CD4: variants seen among roughly 807,000 people sequenced by gnomAD.
CD4 encodes the protein CD4 molecule.
A neutral mutation model predicts 50.5 loss-of-function variants in CD4; 25 were observed. The ratio of observed to expected loss-of-function variants is 0.49; its 90% confidence interval spans 0.36 to 0.69. CD4 has a LOEUF of 0.69. Ranked by LOEUF, CD4 falls within the 30% of genes least tolerant of loss-of-function variation. The probability of loss-of-function intolerance (pLI) is 0.00; values close to 1 mark genes in which losing one functional copy is unlikely to be tolerated. For missense variants in CD4, 456 were observed against 548.5 expected (o/e 0.83, Z 1.68); for synonymous variants, 207 against 221.9 (o/e 0.93, Z 0.60).
In CD4 at chr12:6,807,887, C is replaced by A. The variant is rs781860663; in HGVS notation, c.215-6255C>A. On this transcript the variant is annotated intron_variant, in intron 3 of 9. Coordinates refer to ENST00000011653, the MANE Select transcript of CD4 (RefSeq NM_000616.5). ...CTTGAGTCCAGGAGTTCGAGACCAG[C>A]CTGGCCAACATGGCAAAACCGGTCT... Among the ~76,000 whole-genome samples the A allele has an allele frequency of 2.2e-3, 340 of 151,866 alleles. 2 individuals carry two copies. Among genetic ancestry groups the A allele is most frequent in the African/African-American group, 7.4e-3 (308 of 41,406 alleles).
In CD4 at chr12:6,793,681, TA is replaced by T. The variant is rs1283615828; in HGVS notation, c.-68+4020del. Among the ~76,000 whole-genome samples the T allele has an allele frequency of 4.9e-3, 484 of 98,636 alleles. 1 individual carries two copies. The highest frequency in any genetic ancestry group is 7.6e-3 in the Admixed American group (79 of 10,328). 64.7% of individuals were successfully genotyped at this position (98,636 alleles called of 152,430 possible). On this transcript the variant is annotated intron_variant, in intron 1 of 9. Transcript: ENST00000011653. The stretch of plus-strand genomic sequence containing the variant: ...CTATCTATCTATCTATCTATCTATC[TA>T]TCTATCTATCTATCTATCTATCTTT...
rs377612428 is a variant in CD4, at chr12:6,797,968, G to T, written c.-67-2104G>T. Among the ~76,000 whole-genome samples the T allele has an allele frequency of 5.3e-5, 8 of 152,114 alleles. No individual in the cohort carries two copies. In the East Asian group the frequency reaches 1.4e-3, roughly 26 times the overall value. On this transcript the variant is annotated intron_variant, in intron 1 of 9. Coordinates refer to ENST00000011653, the MANE Select transcript of CD4 (RefSeq NM_000616.5). ...ATCCTCCTCAGCACAGACCCTTTAC[G>T]GGTGTCGGGCTGGGGGGCTGTAAGG...
Position 6,798,450 on chromosome 12 carries a change from G to A in CD4, c.-67-1622G>A, listed in dbSNP as rs1205063065. Among the ~76,000 whole-genome samples the A allele has an allele frequency of 6.0e-5, 9 of 149,556 alleles. 1 individual carries two copies. Among genetic ancestry groups the A allele is most frequent in the African/African-American group, 2.2e-4 (9 of 40,570 alleles). ...GCCTCCCAAAATGCTGGGATTACAC[G>A]TGTGAGGCAAGAACTTTTTAAAAGT... On this transcript the variant is annotated intron_variant, in intron 1 of 9. Transcript: ENST00000011653.
chr12:6,808,450 CAAAAAAAAAAAAAAAA>C (rs3032789), intron 3 of CD4, among the ~76,000 whole-genome samples: 4 of 37,800 alleles, frequency 1.1e-4, no homozygotes, highest in Non-Finnish European at 3.7e-4. Flanking sequence ...GATTCTGTCT[CAAAAAAAAAAAAAAAA>C]AAAAAAAAAA....
chr12:6,818,293 G>A lies in CD4; in HGVS notation c.1157-128G>A. On this transcript the variant is annotated intron_variant, in intron 7 of 9. Coordinates refer to ENST00000011653, the MANE Select transcript of CD4 (RefSeq NM_000616.5). This position sits in a 1 kb window ranked among gnomAD's most constrained non-coding sequence, Gnocchi z 5.0. ...ACTGGCGGCCTTTGAGAGCCCCCAG[G>A]CACCCCTCCCCTCTCCCCCAACCCC... is the stretch of plus-strand genomic sequence containing the variant. 8.2e-7 allele frequency: 1 copy of A among 1,216,338 alleles called. No individual in the cohort carries two copies. The highest frequency in any genetic ancestry group is 1.4e-5 in the South Asian group (1 of 71,414). The allele number at this position is 1,216,338 out of a possible 1,614,324, so 75.3% of individuals were successfully genotyped here.
At chr12:6,817,370 C>A (rs200352608) in intron 7 of CD4, 40 bp downstream of exon 7, 1 of 1,517,348 alleles carries the variant, frequency 6.6e-7, no homozygotes, top group Non-Finnish European at 8.9e-7. Flanking sequence ...TCCTGGGCTG[C>A]GGGACCTTCC....
intron 1 of CD4, among the ~76,000 whole-genome samples, chr12:6,790,072 G>GA (rs1276147353): frequency 6.6e-6 from 1 of 151,146 alleles, no homozygotes; most frequent in Non-Finnish European, 1.5e-5. Context: ...GAAGGGGAGG[G>GA]AAAAAATTAG....
At position 6,816,717 on chromosome 12, in the gene CD4, A is replaced by C. The variant is rs1591564491; in HGVS notation, c.955+314A>C. On this transcript the variant is annotated intron_variant, in intron 6 of 9. Transcript: ENST00000011653. The surrounding 1 kb of genome is among the most constrained non-coding windows in gnomAD (Gnocchi z 4.9). Reference sequence around the variant, plus strand: ...GCAGGCCTGCTTCCTGACCTGTCTAATAAGGATAATGAAATCTGCTCTCTG... The same window carrying C: ...GCAGGCCTGCTTCCTGACCTGTCTACTAAGGATAATGAAATCTGCTCTCTG... 6.6e-6 allele frequency among the ~76,000 whole-genome samples: 1 copy of C among 152,202 alleles called. No individual in the cohort carries two copies. Among genetic ancestry groups the C allele is most frequent in the South Asian group, 2.1e-4 (1 of 4,830 alleles).
chr12:6,791,025 T>A (rs1251477735), intron 1 of CD4, among the ~76,000 whole-genome samples: 1 of 152,192 alleles, frequency 6.6e-6, no homozygotes, highest in Non-Finnish European at 1.5e-5. Flanking sequence ...CAAAGTCAGA[T>A]GAAAGAGCCC....
intron 3 of CD4, 177 bp from the exon 4 acceptor site, chr12:6,813,965 C>G (rs1299517960): frequency 5.0e-6 from 3 of 597,382 alleles, no homozygotes; most frequent in South Asian, 4.7e-5. Flanking sequence ...ACTGTCCCAG[C>G]CAGGTAAATG....
At chr12:6,815,745 C>A in intron 5 of CD4, 2 of 1,378,402 alleles carry the variant, frequency 1.5e-6, no homozygotes, top group Middle Eastern at 3.8e-4. Flanking sequence ...ATGAATACGC[C>A]TCTAAGGAGT....
At chr12:6,796,826 G>A (rs1942389229) in intron 1 of CD4, among the ~76,000 whole-genome samples, 1 of 152,172 alleles carries the variant, frequency 6.6e-6, no homozygotes, top group Non-Finnish European at 1.5e-5. Context: ...TGGCCTGGGT[G>A]ACAGAGTGGA....
Position 6,814,276 on chromosome 12 carries a change from G to C in CD4, c.349G>C (p.Glu117Gln). 1 of 1,614,066 alleles carries C rather than the reference G, an allele frequency of 6.2e-7. No homozygotes were observed. ...CTGTGAAGTGGAGGACCAGAAGGAGGAGGTGCAATTGCTAGTGTTCGGATG... is the reference window on the plus strand; with the variant it reads ...CTGTGAAGTGGAGGACCAGAAGGAGCAGGTGCAATTGCTAGTGTTCGGATG... ...YICEVEDQKE[E>Q]VQLLVFGLTA... is the part of the protein sequence containing the mutation. Residue 117 changes from glutamate to glutamine, a missense_variant, in exon 4 of 10, where the codon GAG becomes CAG. Coordinates refer to ENST00000011653, the MANE Select transcript of CD4 (RefSeq NM_000616.5).
Position 6,815,009 on chromosome 12 carries a change from T to C in CD4, c.607+17T>C. On this transcript the variant is annotated intron_variant, in intron 5 of 9. Coordinates refer to ENST00000011653, the MANE Select transcript of CD4 (RefSeq NM_000616.5). ...TGGTGCTAGGTAAGGGAAGCCCCTC[T>C]TCGCGCAGTCTCCTCCCTGCCCCAG... 3 of 1,554,786 alleles carry C rather than the reference T, an allele frequency of 1.9e-6. No individual in the cohort carries two copies. Among genetic ancestry groups the C allele is most frequent in the Non-Finnish European group, 2.7e-6 (3 of 1,130,264 alleles).
At position 6,814,181 on chromosome 12, in the gene CD4, G is replaced by A. The variant is rs782342961; in HGVS notation, c.254G>A (p.Ser85Asn). The A allele has an allele frequency of 9.3e-6, 15 of 1,614,008 alleles. No individual in the cohort carries two copies. Among genetic ancestry groups the A allele is most frequent in the African/African-American group, 1.3e-5 (1 of 74,900 alleles). The stretch of plus-strand genomic sequence containing the variant: ...AATGATCGCGCTGACTCAAGAAGAA[G>A]CCTTTGGGACCAAGGAAACTTTCCC... ...KLNDRADSRR[S>N]LWDQGNFPLI... The change falls in exon 4 of 10, where the codon AGC (serine) becomes AAC (asparagine). Residue 85 changes from serine to asparagine, a missense_variant. By Grantham distance (46) the Ser-to-Asn change is conservative (BLOSUM62 1). Transcript: ENST00000011653.
rs782457345 is a variant in CD4 at position 6,800,348 on chromosome 12, G to A, written c.91G>A (p.Gly31Ser). 1 of 1,610,268 alleles carries A rather than the reference G, an allele frequency of 6.2e-7. No homozygotes were observed. The highest frequency in any genetic ancestry group is 1.3e-5 in the African/African-American group (1 of 74,534). The change falls in exon 3 of 10, where the codon GGC becomes AGC. Residue 31 changes from glycine (G) to serine (S), a missense_variant. Transcript: ENST00000011653. ...CACTCAGGGAAAGAAAGTGGTGCTG[G>A]GCAAAAAAGGGGATACAGTGGAACT... The part of the protein sequence containing the change: ...AATQGKKVVL[G>S]KKGDTVELTC...
chr12:6,818,478 TCGC>T lies in CD4; in HGVS notation c.1217_1219del (p.Ala406del). 1.9e-6 allele frequency: 3 copies of T among 1,612,864 alleles called. No homozygotes were observed. Among genetic ancestry groups the T allele is most frequent in the Non-Finnish European group, 2.5e-6 (3 of 1,179,990 alleles). ...ATGGCCCTGATTGTGCTGGGGGGCGTCGCCGGCCTCCTGCTTTTCATTGGGCTA... is the reference window on the plus strand; with the variant it reads ...ATGGCCCTGATTGTGCTGGGGGGCGTCGGCCTCCTGCTTTTCATTGGGCTA... On this transcript the variant is annotated inframe_deletion, in exon 8 of 10. Transcript: ENST00000011653. This position sits in a 1 kb window ranked among gnomAD's most constrained non-coding sequence, Gnocchi z 5.0.
intron 3 of CD4, among the ~76,000 whole-genome samples, chr12:6,810,185 T>TG (rs5796256): frequency 1 from 152,348 of 152,348 alleles, 76,174 homozygotes; most frequent in Non-Finnish European, 1. Flanking sequence ...CCACCGCACC[T>TG]GCCACAGGCC....
intron 3 of CD4, among the ~76,000 whole-genome samples, chr12:6,802,230 G>C (rs1017037276): frequency 6.6e-6 from 1 of 151,832 alleles, no homozygotes; most frequent in African/African-American, 2.4e-5. Flanking sequence ...GGTCAATGAA[G>C]AAAAGAATAT....
Sources: allele counts gnomAD v4.1 joint callset (sites outside exome capture counted in the v4.1 genomes callset), GRCh38; gene constraint gnomAD v4.1.1; non-coding constraint Gnocchi (gnomAD v3.1); transcripts MANE v1.5; gene names NCBI Gene and HGNC (gene_info 2026-07-23, HGNC 2026-07-21).